The following SPSB1 variants were observed in gnomAD, a reference collection of about 807,000 sequenced individuals.
SPSB1 encodes the protein SPRY domain-containing SOCS box protein 1.
In SPSB1, 8 loss-of-function variants were observed where a neutral mutation model predicts 21.2. That is an observed-to-expected ratio of 0.38 (90% CI 0.22 to 0.68). SPSB1 has a LOEUF of 0.68. SPSB1 is among the 30% of genes least tolerant of loss of function. SPSB1 has a pLI of 0.53. For missense variants in SPSB1, 242 were observed against 377.8 expected, an observed-to-expected ratio of 0.64 and a Z score of 2.98; for synonymous variants, 169 against 161.7, an observed-to-expected ratio of 1.05 and a Z score of -0.34.
chr1:9,364,950 C>T (rs141360762), intron 2 of SPSB1, among the ~76,000 whole-genome samples: 1,652 of 152,230 alleles, frequency 0.011, 28 homozygotes, highest in African/African-American at 0.038. Flanking sequence ...CTCCCAGGTT[C>T]AAGTGATTCT....
At chr1:9,297,422 C>T (rs1450452049) in intron 1 of SPSB1, among the ~76,000 whole-genome samples, 2 of 152,196 alleles carry the variant, frequency 1.3e-5, no homozygotes, top group Admixed American at 6.5e-5. Context: ...CCTTGCCAGA[C>T]AGTCAGAGTG....
chr1:9,337,484 G>A (rs624927), intron 1 of SPSB1, among the ~76,000 whole-genome samples: 61,356 of 151,634 alleles, frequency 0.4, 12,698 homozygotes, highest in Non-Finnish European at 0.47. Flanking sequence ...GGGACAGGAA[G>A]CCCTCTTTGG....
chr1:9,296,422 G>A (rs1028393302), intron 1 of SPSB1, among the ~76,000 whole-genome samples: 3 of 152,182 alleles, frequency 2.0e-5, no homozygotes, highest in Non-Finnish European at 4.4e-5. Flanking sequence ...CAAGAAGCAT[G>A]GGCTCATTTT....
At chr1:9,364,998 C>T (rs1640544881) in intron 2 of SPSB1, among the ~76,000 whole-genome samples, 2 of 152,110 alleles carry the variant, frequency 1.3e-5, no homozygotes, top group South Asian at 2.1e-4. Flanking sequence ...ACTACAGGCC[C>T]ATGCCACCAT....
chr1:9,359,720 A>AAAAT (rs1640434532), intron 2 of SPSB1, among the ~76,000 whole-genome samples: 1 of 150,806 alleles, frequency 6.6e-6, no homozygotes, highest in Non-Finnish European at 1.5e-5. Context: ...AAAAAAAAAA[A>AAAAT]AGTATCATTC....
rs184203284 is a variant in SPSB1 at position 9,312,824 on chromosome 1, A to G, written c.-150+19753A>G. On this transcript the variant is annotated intron_variant, in intron 1 of 2. Coordinates refer to ENST00000328089, the MANE Select transcript of SPSB1 (RefSeq NM_025106.4). The stretch of plus-strand genomic sequence containing the variant: ...TTTTGGAAGGCGCCCAGGGAAGGCT[A>G]CTTGGTTGGCATTTGGAACTGTGTG... 3.8e-3 allele frequency among the ~76,000 whole-genome samples: 580 copies of G among 152,332 alleles called. 1 individual carries two copies. The highest frequency in any genetic ancestry group is 5.3e-3 in the Non-Finnish European group (362 of 68,030).
chr1:9,331,666 G>A (rs1639922427), intron 1 of SPSB1, among the ~76,000 whole-genome samples: 1 of 152,048 alleles, frequency 6.6e-6, no homozygotes, highest in Admixed American at 6.5e-5. Context: ...ACCAGGGGTG[G>A]AATTGTTGGA....
At chr1:9,295,467 G>C (rs898031977) in intron 1 of SPSB1, among the ~76,000 whole-genome samples, 1 of 152,334 alleles carries the variant, frequency 6.6e-6, no homozygotes, top group East Asian at 1.9e-4. Flanking sequence ...TTAGGAAGGG[G>C]TGGGCCTGCC....
intron 1 of SPSB1, chr1:9,339,110 C>T: frequency 1.6e-6 from 1 of 621,998 alleles, no homozygotes; most frequent in East Asian, 1.4e-4. Flanking sequence ...CCAGCCCAGG[C>T]AAGGCAGGCC....
intron 1 of SPSB1, among the ~76,000 whole-genome samples, chr1:9,342,938 C>T (rs1478840872): frequency 3.9e-5 from 6 of 152,234 alleles, no homozygotes; most frequent in Non-Finnish European, 7.3e-5. Context: ...CCAGTTGAAA[C>T]AGCCAGGTCT....
chr1:9,365,973 A>C (rs575945538), intron 2 of SPSB1, among the ~76,000 whole-genome samples: 147 of 152,348 alleles, frequency 9.6e-4, no homozygotes, highest in African/African-American at 3.4e-3. Flanking sequence ...GCGGGCGAGC[A>C]GGGCCGCGCA....
chr1:9,349,338 G>A (rs1640213759), intron 1 of SPSB1, among the ~76,000 whole-genome samples: 1 of 152,242 alleles, frequency 6.6e-6, no homozygotes, highest in African/African-American at 2.4e-5. Flanking sequence ...TGATATTGGT[G>A]ACGTGTCCTC....
chr1:9,360,554 G>C (rs1489672220), intron 2 of SPSB1, among the ~76,000 whole-genome samples: 1 of 152,164 alleles, frequency 6.6e-6, no homozygotes, highest in Admixed American at 6.5e-5. Flanking sequence ...CGAGCTCTGA[G>C]GGGGAGCCCG....
chr1:9,360,694 C>G (rs1194020640), intron 2 of SPSB1, among the ~76,000 whole-genome samples: 1 of 152,216 alleles, frequency 6.6e-6, no homozygotes, highest in Non-Finnish European at 1.5e-5. Context: ...CTCCGTGGCC[C>G]CTCCTCTTCT....
chr1:9,339,091 A>C (rs1036526222), intron 1 of SPSB1, among the ~76,000 whole-genome samples: 1 of 152,154 alleles, frequency 6.6e-6, no homozygotes, highest in South Asian at 2.1e-4. Flanking sequence ...TGCTCCGGCC[A>C]GGGCTGATCC....
intron 1 of SPSB1, among the ~76,000 whole-genome samples, chr1:9,295,613 G>T (rs1241730332): frequency 6.6e-6 from 1 of 152,184 alleles, no homozygotes; most frequent in Non-Finnish European, 1.5e-5. Context: ...CACAGATGTT[G>T]AATTTCTTCA....
intron 1 of SPSB1, among the ~76,000 whole-genome samples, chr1:9,330,881 A>G (rs943117311): frequency 1.3e-5 from 2 of 151,708 alleles, no homozygotes; most frequent in African/African-American, 2.4e-5. Context: ...CATCAGTGAT[A>G]CCCAAGGGTT....
At chr1:9,330,850 G>A (rs1051547113) in intron 1 of SPSB1, among the ~76,000 whole-genome samples, 7 of 152,022 alleles carry the variant, frequency 4.6e-5, no homozygotes, top group Admixed American at 2.0e-4. Context: ...TGTGTCCAGC[G>A]GCTGTGCCAT....
chr1:9,297,534 G>A (rs985648700), intron 1 of SPSB1, among the ~76,000 whole-genome samples: 3 of 152,072 alleles, frequency 2.0e-5, no homozygotes, highest in Admixed American at 1.3e-4. Flanking sequence ...AGACACCAAG[G>A]GAGCATGTGT....
Sources: gnomAD v4.1 joint callset for allele counts (sites outside exome capture counted in the v4.1 genomes callset) on GRCh38, gnomAD v4.1.1 for gene constraint, MANE v1.5 for transcripts, NCBI Gene and HGNC (gene_info 2026-07-23, HGNC 2026-07-21) for gene names.